The following CDH4 variants were observed in gnomAD, a reference collection of about 807,000 sequenced individuals.
CDH4 encodes the protein cadherin 4.
In CDH4, 33 loss-of-function variants were observed where a neutral mutation model predicts 86.0. The ratio of observed to expected loss-of-function variants is 0.38; its 90% CI spans 0.29 to 0.51. The LOEUF is 0.51. Ranked by LOEUF, CDH4 falls within the 20% of genes least tolerant of loss-of-function variation. The pLI, the probability that CDH4 is intolerant of heterozygous loss-of-function variation, is 0.86. For missense variants in CDH4, 1,114 were observed against 1,307.4 expected, an observed-to-expected ratio of 0.85 and a Z score of 2.28; for synonymous variants, 555 against 549.4, an observed-to-expected ratio of 1.01 and a Z score of -0.14.
At chr20:61,711,414 A>C (rs936317598) in intron 2 of CDH4, among the ~76,000 whole-genome samples, 2 of 152,174 alleles carry the variant, frequency 1.3e-5, no homozygotes, top group African/African-American at 4.8e-5. Flanking sequence ...CTAGCCAAGT[A>C]GTTGGCAGGC....
intron 2 of CDH4, among the ~76,000 whole-genome samples, chr20:61,514,315 G>GCCCCCGC (rs2085802259): frequency 8.5e-6 from 1 of 118,108 alleles, no homozygotes; most frequent in African/African-American, 3.1e-5. Context: ...CGCCCCCCCC[G>GCCCCCGC]CCCCCCCCCA....
chr20:61,893,461 C>G (rs537686773), intron 7 of CDH4, among the ~76,000 whole-genome samples: 1 of 56,166 alleles, frequency 1.8e-5, no homozygotes, highest in African/African-American at 7.1e-5. Flanking sequence ...GAGGGATAGA[C>G]GGATTGGCGG....
chr20:61,699,169 C>CT (rs2087746452), intron 2 of CDH4, among the ~76,000 whole-genome samples: 4 of 152,240 alleles, frequency 2.6e-5, no homozygotes, highest in African/African-American at 9.6e-5. Context: ...CGCACAGGCG[C>CT]TCTGACCTTC....
intron 6 of CDH4, among the ~76,000 whole-genome samples, chr20:61,854,802 G>A (rs1281810691): frequency 6.7e-6 from 1 of 148,524 alleles, no homozygotes; most frequent in Non-Finnish European, 1.5e-5. Flanking sequence ...GGGCTGCAGT[G>A]TGAACAGGGT....
At chr20:61,766,455 C>A (rs563691602) in intron 3 of CDH4, among the ~76,000 whole-genome samples, 149 of 152,232 alleles carry the variant, frequency 9.8e-4, no homozygotes, top group African/African-American at 3.4e-3. Flanking sequence ...GGAGCTCCAC[C>A]CCCAGCTCTG....
chr20:61,562,873 G>C (rs1001913224), intron 2 of CDH4, among the ~76,000 whole-genome samples: 10 of 152,220 alleles, frequency 6.6e-5, no homozygotes, highest in African/African-American at 2.4e-4. Context: ...TGTCCTGTCC[G>C]GGACCCCAGT....
At position 61,923,534 on chromosome 20, in the gene CDH4, G is replaced by A. The variant is rs752437149; in HGVS notation, c.1458G>A (p.Met486Ile). Residue 486 changes from methionine (M) to isoleucine (I), a missense_variant, in exon 10 of 16, where the codon ATG becomes ATA. Met to Ile is a conservative substitution (Grantham distance 10). This residue lies in a region of CDH4 where 705 missense variants were observed against 914.1 expected (regional missense o/e 0.77). Coordinates refer to ENST00000614565, the MANE Select transcript of CDH4 (RefSeq NM_001794.5). ...NQAPLASGIQ[M>I]SFQSTAGVTI... ...CGCCCCTGGCCAGCGGAATCCAGAT[G>A]TCCTTCCAGTCCACGGCAGGGGTGA... The A allele has an allele frequency of 1.2e-6, 2 of 1,614,208 alleles. No homozygotes were observed. The highest frequency in any genetic ancestry group is 1.7e-6 in the Non-Finnish European group (2 of 1,180,034).
chr20:61,785,658 C>G (rs1978842549), intron 4 of CDH4, among the ~76,000 whole-genome samples: 1 of 151,426 alleles, frequency 6.6e-6, no homozygotes, highest in African/African-American at 2.4e-5. Flanking sequence ...GTGTGTAGAG[C>G]CCCCACCCAG....
intron 2 of CDH4, among the ~76,000 whole-genome samples, chr20:61,545,914 G>A (rs1264327833): frequency 6.8e-6 from 1 of 146,164 alleles, no homozygotes; most frequent in Non-Finnish European, 1.5e-5. Context: ...TGTGTGGAGG[G>A]GTGTGTGTGC....
intron 2 of CDH4, among the ~76,000 whole-genome samples, chr20:61,545,834 G>A (rs1238675890): frequency 2.7e-5 from 4 of 150,430 alleles, no homozygotes; most frequent in Non-Finnish European, 4.4e-5. Context: ...GTGTGTATGT[G>A]TGTGTGTGGA....
chr20:61,922,764 G>C (rs1392064932), intron 9 of CDH4, among the ~76,000 whole-genome samples: 1 of 152,150 alleles, frequency 6.6e-6, no homozygotes, highest in African/African-American at 2.4e-5. Context: ...CTTTCTCTCT[G>C]TTTTGAAATT....
Position 61,732,542 on chromosome 20 carries a change from G to A in CDH4, c.170-11021G>A, listed in dbSNP as rs1344194660. Reference sequence around the variant, plus strand: ...GCCTTGCACTGTCTGTTCCCTCTGCGGGGAATGCTCTTCCCTCAGGCACCA... The same window carrying A: ...GCCTTGCACTGTCTGTTCCCTCTGCAGGGAATGCTCTTCCCTCAGGCACCA... On this transcript the variant is annotated intron_variant, in intron 2 of 15. Coordinates refer to ENST00000614565, the MANE Select transcript of CDH4 (RefSeq NM_001794.5). 3.3e-5 allele frequency among the ~76,000 whole-genome samples: 5 copies of A among 152,116 alleles called. No homozygotes were observed. In the South Asian group the frequency reaches 6.2e-4, roughly 19 times the overall value.
rs369790072 is a variant in CDH4 at position 61,707,418 on chromosome 20, A to G, written c.170-36145A>G. On this transcript the variant is annotated intron_variant, in intron 2 of 15. Coordinates refer to ENST00000614565, the MANE Select transcript of CDH4 (RefSeq NM_001794.5). ...AAGGACATCTTAAACCAAGGCCTTC[A>G]GCCCACCAGGCAGCCCCACTGGCTA... Among the ~76,000 whole-genome samples the G allele has an allele frequency of 1.2e-4, 19 of 152,352 alleles. 1 individual carries two copies. Among genetic ancestry groups the G allele is most frequent in the Middle Eastern group, 3.4e-3 (1 of 294 alleles).
chr20:61,338,647 C>T (rs184028154), intron 2 of CDH4, among the ~76,000 whole-genome samples: 1 of 152,220 alleles, frequency 6.6e-6, no homozygotes, highest in East Asian at 1.9e-4. Context: ...CCCTGACTGA[C>T]CATTACTGTT....
chr20:61,919,843 T>C (rs2054947709), intron 9 of CDH4, among the ~76,000 whole-genome samples: 1 of 88,456 alleles, frequency 1.1e-5, no homozygotes, highest in Admixed American at 1.2e-4. Flanking sequence ...AAGCGTGTGA[T>C]TGTGTGGAAG....
chr20:61,916,696 A>G (rs1489836053), intron 9 of CDH4, among the ~76,000 whole-genome samples: 2 of 152,218 alleles, frequency 1.3e-5, no homozygotes, highest in Non-Finnish European at 2.9e-5. Flanking sequence ...ATGTATGTAC[A>G]CTGCAGACCT....
intron 2 of CDH4, among the ~76,000 whole-genome samples, chr20:61,678,463 T>G (rs998038988): frequency 2.6e-5 from 4 of 152,148 alleles, no homozygotes; most frequent in Non-Finnish European, 5.9e-5. Context: ...ATCAACAAGG[T>G]CACAGACATT....
intron 2 of CDH4, among the ~76,000 whole-genome samples, chr20:61,360,999 T>C (rs1012607026): frequency 3.3e-5 from 5 of 151,364 alleles, no homozygotes; most frequent in African/African-American, 9.7e-5. Flanking sequence ...AGAATCACAG[T>C]TTCCAAAAAG....
chr20:61,438,282 A>G (rs570450766), intron 2 of CDH4, among the ~76,000 whole-genome samples: 2 of 152,362 alleles, frequency 1.3e-5, no homozygotes, highest in South Asian at 2.1e-4. Flanking sequence ...TAAACTCACC[A>G]GGATGAAAGC....
Sources: allele counts gnomAD v4.1 joint callset (sites outside exome capture counted in the v4.1 genomes callset), GRCh38; gene constraint gnomAD v4.1.1; regional missense constraint gnomAD v4.1.1; transcripts MANE v1.5; gene names NCBI Gene and HGNC (gene_info 2026-07-23, HGNC 2026-07-21).